HTATSF1: variants seen among roughly 807,000 people sequenced by gnomAD.
HTATSF1 encodes 17S U2 SnRNP complex component HTATSF1.
HTATSF1 carries 6 observed loss-of-function variants against 46.1 expected under a neutral mutation model. That is an observed-to-expected ratio of 0.13 (90% CI 0.07 to 0.26). The LOEUF (loss-of-function observed/expected upper bound fraction) is 0.26. Ranked by LOEUF, HTATSF1 falls within the 10% of genes least tolerant of loss-of-function variation. HTATSF1 has a pLI of 1.00. For missense variants in HTATSF1, 452 were observed against 559.9 expected (o/e 0.81, Z 1.94); for synonymous variants, 226 against 211.5 (o/e 1.07, Z -0.60).
chrX:136,512,114 A>G lies in HTATSF1; in HGVS notation c.*101A>G. 1.2e-6 allele frequency: 1 copy of G among 867,963 alleles called. No homozygotes were observed. Among genetic ancestry groups the G allele is most frequent in the Non-Finnish European group, 1.6e-6 (1 of 623,596 alleles). The allele number at this position is 867,963 out of a possible 1,213,427, so 71.5% of individuals were successfully genotyped here. ...ACATGAACATGTGCATAGTGGTAGG[A>G]TGCCATCAGATTAAAGCATTGAAGT... On this transcript the variant is annotated 3_prime_UTR_variant, in exon 9 of 9. Transcript: ENST00000218364.
Position 136,511,928 on chromosome X carries a change from G to C in HTATSF1, c.2183G>C (p.Gly728Ala). The change falls in exon 9 of 9, where the codon GGT (glycine) becomes GCT (alanine). Residue 728 changes from glycine to alanine, a missense_variant. Physicochemically the swap from Gly to Ala is moderately conservative, Grantham distance 60 (BLOSUM62 0). Coordinates refer to ENST00000218364, the MANE Select transcript of HTATSF1 (RefSeq NM_014500.5). ...FDDSDERGTL[G>A]GFGSVEEGPL... ...GATTCTGATGAGAGGGGGACTTTGGGTGGTTTTGGGAGTGTTGAAGAAGGG... is the reference window on the plus strand; with the variant it reads ...GATTCTGATGAGAGGGGGACTTTGGCTGGTTTTGGGAGTGTTGAAGAAGGG... 1 of 1,211,643 alleles carries C rather than the reference G, an allele frequency of 8.3e-7. No homozygotes were observed. The highest frequency in any genetic ancestry group is 1.1e-6 in the Non-Finnish European group (1 of 895,378).
At chrX:136,505,800 A>G (rs2075739537) in intron 6 of HTATSF1, among the ~76,000 whole-genome samples, 1 of 111,849 alleles carries the variant, frequency 8.9e-6, no homozygotes, top group East Asian at 2.8e-4. Context: ...ACAAAACAAA[A>G]TAAAACAAAA....
At chrX:136,503,408 A>C (rs888625958) in intron 5 of HTATSF1, among the ~76,000 whole-genome samples, 1 of 112,221 alleles carries the variant, frequency 8.9e-6, no homozygotes, top group African/African-American at 3.2e-5. Flanking sequence ...CTGTTTGTTT[A>C]ATATACTTTG....
At position 136,512,084 on chromosome X, in the gene HTATSF1, G is replaced by A; in HGVS notation, c.*71G>A. 2 of 1,055,717 alleles carry A rather than the reference G, an allele frequency of 1.9e-6. No homozygotes were observed. Among genetic ancestry groups the A allele is most frequent in the Non-Finnish European group, 2.5e-6 (2 of 784,340 alleles). The allele number at this position is 1,055,717 out of a possible 1,213,427, so 87.0% of individuals were successfully genotyped here. A position where few individuals can be genotyped will look rare whatever the true frequency, so the allele number is the denominator to read the frequency against. ...CTGTGCTTCAGGGTAATTACTAGTA[G>A]TGTTACATGAACATGTGCATAGTGG... On this transcript the variant is annotated 3_prime_UTR_variant, in exon 9 of 9. Transcript: ENST00000218364.
chrX:136,509,338 C>G (rs1379422536), intron 7 of HTATSF1, among the ~76,000 whole-genome samples, 158 bp downstream of exon 7: 1 of 111,839 alleles, frequency 8.9e-6, no homozygotes, highest in Non-Finnish European at 1.9e-5. Context: ...ATGAGATGAA[C>G]GTGGATTACA....
intron 2 of HTATSF1, 136 bp downstream of exon 2, chrX:136,499,914 T>C: frequency 1.9e-6 from 1 of 515,174 alleles, no homozygotes. Context: ...GTGTCAGTTA[T>C]AAAGAATCAA....
intron 7 of HTATSF1, 76 bp downstream of exon 7, chrX:136,509,256 A>G (rs780182974): frequency 4.3e-5 from 29 of 667,434 alleles, no homozygotes; most frequent in Non-Finnish European, 6.5e-5. Flanking sequence ...AGATGTTAGT[A>G]TACCCCTGAA....
At chrX:136,504,501 G>A in intron 6 of HTATSF1, 38 bp downstream of exon 6, 1 of 1,063,146 alleles carries the variant, frequency 9.4e-7, no homozygotes, top group Non-Finnish European at 1.3e-6. Context: ...AATGCTGATA[G>A]GCTTTTTTTC....
intron 6 of HTATSF1, among the ~76,000 whole-genome samples, chrX:136,508,664 T>C (rs1259953688): frequency 8.9e-6 from 1 of 112,582 alleles, no homozygotes; most frequent in Non-Finnish European, 1.9e-5. Flanking sequence ...ATAAAAGGGA[T>C]ATATTGCTCT....
rs182408838 is a variant in HTATSF1 at position 136,497,654 on chromosome X, C to T, written c.-31C>T. On this transcript the variant is annotated 5_prime_UTR_variant, in exon 1 of 9. Transcript: ENST00000218364. ...GCGTCATTTCGGCCTCTTAGTTCTTCTGAACCCTGCTCCTGAGCTAGGTAG... is the reference window on the plus strand; with the variant it reads ...GCGTCATTTCGGCCTCTTAGTTCTTTTGAACCCTGCTCCTGAGCTAGGTAG... 3.4e-5 allele frequency: 39 copies of T among 1,150,063 alleles called. No homozygotes were observed. The East Asian group carries it at 1.2e-3, about 36-fold the overall frequency. The allele number at this position is 1,150,063 out of a possible 1,213,427, so 94.8% of individuals were successfully genotyped here.
intron 2 of HTATSF1, 125 bp from the exon 3 acceptor site, chrX:136,500,033 T>G: frequency 1.9e-6 from 1 of 526,453 alleles, no homozygotes. Flanking sequence ...TATCTTGGTC[T>G]TTTAAGAGTA....
rs1284925253 is a variant in HTATSF1, at chrX:136,505,285, C to G, written c.834+822C>G. Among the ~76,000 whole-genome samples the G allele has an allele frequency of 4.5e-5, 5 of 111,896 alleles. No individual in the cohort carries two copies. In the Admixed American group the frequency reaches 4.7e-4, roughly 11 times the overall value. ...TGTAAATTAGTGCCCATTCCTGACC[C>G]TTTTGTGCATTTAAACAGTCAAAAT... On this transcript the variant is annotated intron_variant, in intron 6 of 8. Coordinates refer to ENST00000218364, the MANE Select transcript of HTATSF1 (RefSeq NM_014500.5).
chrX:136,510,245 A>C (rs1373410994), intron 8 of HTATSF1, 26 bp downstream of exon 8: 6 of 1,195,878 alleles, frequency 5.0e-6, no homozygotes, highest in African/African-American at 3.5e-5. Flanking sequence ...TGTCAAGGGC[A>C]CACACATTGT....
chrX:136,511,837 G>A lies in HTATSF1; in HGVS notation c.2092G>A (p.Glu698Lys), dbSNP rs372187154. ...TGAAGATGCTGACGAAAAGTTGTTC[G>A]AAGATGATGATTCCAATGAGAAGTT... ...EVEDADEKLFEDDDSNEKLFD... is the reference protein window; with the variant it reads ...EVEDADEKLFKDDDSNEKLFD... Residue 698 changes from glutamate (E) to lysine (K), a missense_variant, in exon 9 of 9, where the codon GAA becomes AAA. Physicochemically the swap from Glu to Lys is moderately conservative, Grantham distance 56. This residue lies in a region of HTATSF1 where 246 missense variants were observed against 245.3 expected (regional missense o/e 1.00). Transcript: ENST00000218364. The A allele has an allele frequency of 5.5e-4, 664 of 1,209,730 alleles. 1 individual carries two copies. Among genetic ancestry groups the A allele is most frequent in the Non-Finnish European group, 6.9e-4 (616 of 895,031 alleles).
At chrX:136,504,559 C>A in intron 6 of HTATSF1, 96 bp downstream of exon 6, 3 of 568,444 alleles carry the variant, frequency 5.3e-6, no homozygotes, top group Non-Finnish European at 8.6e-6. Flanking sequence ...GTCTTGTCAC[C>A]TCCTACGTGT....
At chrX:136,507,629 C>T (rs1032914184) in intron 6 of HTATSF1, among the ~76,000 whole-genome samples, 4 of 109,343 alleles carry the variant, frequency 3.7e-5, no homozygotes, top group African/African-American at 1.3e-4. Context: ...TGCCTACCCC[C>T]ACCATGGAAT....
At position 136,500,192 on chromosome X, in the gene HTATSF1, T is replaced by C; in HGVS notation, c.402T>C (p.Asn134=). The C allele has an allele frequency of 9.1e-7, 1 of 1,101,570 alleles. No individual in the cohort carries two copies. The highest frequency in any genetic ancestry group is 1.2e-6 in the Non-Finnish European group (1 of 801,073). The allele number at this position is 1,101,570 out of a possible 1,213,427, so 90.8% of individuals were successfully genotyped here. A position where few individuals can be genotyped will look rare whatever the true frequency, so the allele number is the denominator to read the frequency against. Residue 134 remains asparagine, a synonymous_variant, in exon 3 of 9, where the codon AAT becomes AAC. Coordinates refer to ENST00000218364, the MANE Select transcript of HTATSF1 (RefSeq NM_014500.5). ...ATGTTGAAGAAGACAGAAATACAAA[T>C]GTATACGTGTCTGGTATGTATAACT... The part of the protein sequence containing the change: ...WFHVEEDRNT[N]VYVSGLPPDI...
chrX:136,500,925 G>A (rs745938389), intron 4 of HTATSF1, 107 bp downstream of exon 4: 62 of 487,097 alleles, frequency 1.3e-4, no homozygotes, highest in Non-Finnish European at 1.7e-4. Context: ...TTCAAAACAG[G>A]ATATGAAGAA....
At position 136,497,775 on chromosome X, in the gene HTATSF1, C is replaced by A. The variant is rs1156538917; in HGVS notation, c.91C>A (p.Gln31Lys). The A allele has an allele frequency of 8.3e-7, 1 of 1,202,865 alleles. No homozygotes were observed. Among genetic ancestry groups the A allele is most frequent in the Admixed American group, 2.2e-5 (1 of 45,815 alleles). The stretch of plus-strand genomic sequence containing the variant: ...CGGAGACGGCAAGGATGGTGACACC[C>A]AGACCGATGCCGGCGGAGAACCCGA... ...LYGDGKDGDTQTDAGGEPDSL... is the reference protein window; with the variant it reads ...LYGDGKDGDTKTDAGGEPDSL... Residue 31 changes from glutamine to lysine, a missense_variant, in exon 1 of 9, where the codon CAG (glutamine) becomes AAG (lysine). Physicochemically the swap from Gln to Lys is moderately conservative, Grantham distance 53. This residue lies in a region of HTATSF1 where 89 missense variants were observed against 92.3 expected (regional missense o/e 0.96). Transcript: ENST00000218364.
Sources: allele counts gnomAD v4.1 joint callset (sites outside exome capture counted in the v4.1 genomes callset), GRCh38; gene constraint gnomAD v4.1.1; regional missense constraint gnomAD v4.1.1; transcripts MANE v1.5; gene names NCBI Gene and HGNC (gene_info 2026-07-23, HGNC 2026-07-21).